Variants in FAM222A observed in about 807,000 individuals in gnomAD.
FAM222A encodes the protein protein FAM222A.
FAM222A carries 7 observed loss-of-function variants against 25.8 expected under a neutral mutation model. The ratio of observed to expected loss-of-function variants is 0.27; its 90% CI spans 0.15 to 0.51. FAM222A has a LOEUF of 0.51. Among genes scored for constraint, FAM222A ranks in the 20% least tolerant of loss-of-function variants. The probability of loss-of-function intolerance (pLI) is 0.97; values close to 1 mark genes in which losing one functional copy is unlikely to be tolerated. For missense variants in FAM222A, 573 were observed against 640.5 expected, an observed-to-expected ratio of 0.89 and a Z score of 1.14; for synonymous variants, 294 against 298.8, an observed-to-expected ratio of 0.98 and a Z score of 0.17.
At chr12:109,744,661 C>CT in intron 2 of FAM222A, 1 of 985,446 alleles carries the variant, frequency 1.0e-6, no homozygotes, top group South Asian at 4.7e-5. Flanking sequence ...TCTGGCCTTG[C>CT]TTTTTCACTG....
At chr12:109,744,827 G>GA (rs1001176476) in intron 2 of FAM222A, 6 of 964,104 alleles carry the variant, frequency 6.2e-6, no homozygotes, top group African/African-American at 1.8e-5. Flanking sequence ...ACTATCTCTT[G>GA]AAAAAAACAA....
chr12:109,743,461 C>T (rs142877207), intron 1 of FAM222A, among the ~76,000 whole-genome samples: 16 of 152,200 alleles, frequency 1.1e-4, no homozygotes, highest in East Asian at 1.9e-4. Context: ...GCTCAGGCAG[C>T]GACAGGGATC....
intron 1 of FAM222A, among the ~76,000 whole-genome samples, chr12:109,732,240 TC>T (rs890244284): frequency 1.3e-5 from 2 of 152,272 alleles, no homozygotes; most frequent in East Asian, 3.9e-4. Context: ...GGAGGTTCTT[TC>T]CCCCTCATTA....
intron 2 of FAM222A, among the ~76,000 whole-genome samples, chr12:109,766,572 G>A (rs1889057347): frequency 6.6e-6 from 1 of 152,238 alleles, no homozygotes; most frequent in Non-Finnish European, 1.5e-5. Context: ...CACTTAACCA[G>A]CCAATGAGGT....
chr12:109,720,012 A>T, intron 1 of FAM222A: 1 of 811,626 alleles, frequency 1.2e-6, no homozygotes, highest in Middle Eastern at 6.3e-4. Context: ...CCTCTTGTTC[A>T]GGAGAGTCTC....
intron 2 of FAM222A, chr12:109,744,453 C>T: frequency 1.0e-6 from 1 of 985,478 alleles, no homozygotes; most frequent in Non-Finnish European, 1.2e-6. Context: ...TCTGGCTTGA[C>T]CTCCTTCCCA....
At chr12:109,731,244 C>T (rs947506111) in intron 1 of FAM222A, among the ~76,000 whole-genome samples, 9 of 151,944 alleles carry the variant, frequency 5.9e-5, no homozygotes, top group Non-Finnish European at 8.8e-5. Flanking sequence ...ATGGTGGTGG[C>T]GGGAGGGGTA....
chr12:109,740,597 A>G (rs1009124562), intron 1 of FAM222A, among the ~76,000 whole-genome samples: 1 of 152,176 alleles, frequency 6.6e-6, no homozygotes, highest in Non-Finnish European at 1.5e-5. Flanking sequence ...TTTTAGGCAC[A>G]TGCCCCAGTC....
In FAM222A at chr12:109,769,716, G is replaced by T. The variant is rs958310324; in HGVS notation, c.*428G>T. The T allele has an allele frequency of 1.0e-5, 2 of 199,706 alleles. No individual in the cohort carries two copies. Among genetic ancestry groups the T allele is most frequent in the South Asian group, 2.3e-4 (2 of 8,810 alleles). 12.4% of individuals were successfully genotyped at this position (199,706 alleles called of 1,614,324 possible). Reference sequence around the variant, plus strand: ...CAGCCCCCCCAGGGGTCAGGCAGCTGTGTCTCCCCACACTGGCTCCCCAGT... The same window carrying T: ...CAGCCCCCCCAGGGGTCAGGCAGCTTTGTCTCCCCACACTGGCTCCCCAGT... On this transcript the variant is annotated 3_prime_UTR_variant, in exon 3 of 3. Transcript: ENST00000538780.
rs767676227 is a variant in FAM222A at position 109,768,760 on chromosome 12, G to T, written c.831G>T (p.Gly277=). Residue 277 remains glycine, a synonymous_variant, in exon 3 of 3, where the codon GGG becomes GGT. Coordinates refer to ENST00000538780, the MANE Select transcript of FAM222A (RefSeq NM_032829.3). ...LTLAGAAKPA[G]YADSGLDYLL... is the part of the protein sequence containing the mutation. The stretch of plus-strand genomic sequence containing the variant: ...TGGCTGGGGCCGCCAAGCCTGCAGG[G>T]TACGCAGACAGCGGCCTGGATTACC... The T allele has an allele frequency of 3.8e-6, 6 of 1,583,860 alleles. No individual in the cohort carries two copies. Among genetic ancestry groups the T allele is most frequent in the Non-Finnish European group, 4.3e-6 (5 of 1,170,552 alleles).
chr12:109,761,244 C>G (rs922763033), intron 2 of FAM222A, among the ~76,000 whole-genome samples: 1 of 152,122 alleles, frequency 6.6e-6, no homozygotes, highest in Non-Finnish European at 1.5e-5. Flanking sequence ...AGGCTGCCCC[C>G]CCAGGCCTCT....
At chr12:109,731,256 C>T (rs1887942029) in intron 1 of FAM222A, among the ~76,000 whole-genome samples, 1 of 151,968 alleles carries the variant, frequency 6.6e-6, no homozygotes, top group Admixed American at 6.5e-5. Flanking sequence ...GGAGGGGTAA[C>T]TCAACTGGCT....
At chr12:109,758,496 G>T (rs1714870353) in intron 2 of FAM222A, among the ~76,000 whole-genome samples, 1 of 152,126 alleles carries the variant, frequency 6.6e-6, no homozygotes, top group African/African-American at 2.4e-5. Context: ...TGACCTCAGG[G>T]GCCCTCAGGC....
At chr12:109,721,779 A>T (rs966763359) in intron 1 of FAM222A, among the ~76,000 whole-genome samples, 2 of 152,160 alleles carry the variant, frequency 1.3e-5, no homozygotes, top group Non-Finnish European at 2.9e-5. Flanking sequence ...CCGAGCACTG[A>T]CAGTCTGGAT....
At chr12:109,744,467 G>A (rs2136345868) in intron 2 of FAM222A, 1 of 985,382 alleles carries the variant, frequency 1.0e-6, no homozygotes, top group African/African-American at 1.7e-5. Context: ...CTTCCCAGCA[G>A]CCTCTTCTGA....
Position 109,768,489 on chromosome 12 carries a change from G to C in FAM222A, c.560G>C (p.Arg187Pro). Residue 187 changes from arginine (R) to proline (P), a missense_variant, in exon 3 of 3, where the codon CGG becomes CCG. Arg to Pro is a moderately radical substitution (Grantham distance 103). Transcript: ENST00000538780. ...GCCTCCGTCATCCCCCTGCCGGGCC[G>C]GGGCCTGCCCCTGCCACCTTCCAAC... The part of the protein sequence containing the change: ...TAASVIPLPG[R>P]GLPLPPSNLP... 1 of 1,604,340 alleles carries C rather than the reference G, an allele frequency of 6.2e-7. No individual in the cohort carries two copies. Among genetic ancestry groups the C allele is most frequent in the Non-Finnish European group, 8.5e-7 (1 of 1,178,788 alleles).
chr12:109,727,495 A>G lies in FAM222A; in HGVS notation c.-47+12598A>G, dbSNP rs536329133. Among the ~76,000 whole-genome samples, 282 of 152,186 alleles carry G rather than the reference A, an allele frequency of 1.9e-3. 1 individual carries two copies. Among genetic ancestry groups the G allele is most frequent in the African/African-American group, 6.6e-3 (274 of 41,536 alleles). On this transcript the variant is annotated intron_variant, in intron 1 of 2. Transcript: ENST00000538780. ...TGTTTCCTGGGGGTCCTTGGCTGCTAGAGGAGCCAAGGCAGCCATTAACCT... is the reference window on the plus strand; with the variant it reads ...TGTTTCCTGGGGGTCCTTGGCTGCTGGAGGAGCCAAGGCAGCCATTAACCT...
In FAM222A at chr12:109,742,267, C is replaced by T. The variant is rs1451853544; in HGVS notation, c.-46-1834C>T. On this transcript the variant is annotated intron_variant, in intron 1 of 2. Transcript: ENST00000538780. ...ACCCAGCCCTCCCTGTGCACATGCA[C>T]GGCGTGTCCTCCAGGGCTGGTGTCC... is the stretch of plus-strand genomic sequence containing the variant. 11 of 152,440 alleles carry T rather than the reference C, an allele frequency of 7.2e-5. No individual in the cohort carries two copies. The South Asian group carries it at 1.2e-3, about 17-fold the overall frequency. 9.4% of individuals were successfully genotyped at this position (152,440 alleles called of 1,614,324 possible).
chr12:109,733,038 G>T (rs550176893), intron 1 of FAM222A, among the ~76,000 whole-genome samples: 1 of 152,314 alleles, frequency 6.6e-6, no homozygotes, highest in South Asian at 2.1e-4. Context: ...GCTTGACCAG[G>T]TGGTCAAGGA....
Sources: gnomAD v4.1 joint callset for allele counts (sites outside exome capture counted in the v4.1 genomes callset) on GRCh38, gnomAD v4.1.1 for gene constraint, MANE v1.5 for transcripts, NCBI Gene and HGNC (gene_info 2026-07-23, HGNC 2026-07-21) for gene names.